Variants in CDH2 observed in about 807,000 individuals in gnomAD.
CDH2 encodes the protein cadherin 2, also known as cadherin-2.
Under a neutral mutation model 92.0 loss-of-function variants are expected in CDH2, and 17 were observed. The observed-to-expected ratio is 0.18, with a 90% CI of 0.13 to 0.28. CDH2 has a LOEUF of 0.28. CDH2 is among the 10% of genes least tolerant of loss of function. The pLI is 1.00. For missense variants in CDH2, 862 were observed against 1,133.1 expected (o/e 0.76, Z 3.44); for synonymous variants, 419 against 415.9 (o/e 1.01, Z -0.09).
At chr18:28,158,756 G>A (rs945322522) in intron 1 of CDH2, among the ~76,000 whole-genome samples, 1 of 152,150 alleles carries the variant, frequency 6.6e-6, no homozygotes, top group African/African-American at 2.4e-5. Flanking sequence ...GTTTTCCAGA[G>A]GCTATGTTAT....
At chr18:28,164,931 C>G (rs1430797096) in intron 1 of CDH2, among the ~76,000 whole-genome samples, 3 of 152,264 alleles carry the variant, frequency 2.0e-5, no homozygotes, top group East Asian at 3.9e-4. Context: ...AAAATATTTG[C>G]CCTTCAATTG....
intron 2 of CDH2, among the ~76,000 whole-genome samples, chr18:28,073,984 G>A (rs904518101): frequency 6.6e-6 from 1 of 152,140 alleles, no homozygotes; most frequent in African/African-American, 2.4e-5. Context: ...TCATTAGCAC[G>A]TCAGAGGTGG....
chr18:28,032,432 A>G (rs2144086933), intron 2 of CDH2, among the ~76,000 whole-genome samples: 1 of 152,244 alleles, frequency 6.6e-6, no homozygotes, highest in South Asian at 2.1e-4. Flanking sequence ...CCACTTCCTC[A>G]TATCCAACAG....
intron 2 of CDH2, among the ~76,000 whole-genome samples, chr18:28,144,099 G>C (rs896965418): frequency 1.3e-5 from 2 of 151,546 alleles, no homozygotes; most frequent in African/African-American, 2.4e-5. Context: ...AACCACCATG[G>C]CACATGTATA....
chr18:28,173,131 T>A (rs2016489020), intron 1 of CDH2, among the ~76,000 whole-genome samples: 2 of 152,144 alleles, frequency 1.3e-5, no homozygotes, highest in Admixed American at 1.3e-4. Flanking sequence ...AAAAAGTATT[T>A]CCTTGTAAAA....
At chr18:28,046,381 GAA>G (rs1380206188) in intron 2 of CDH2, among the ~76,000 whole-genome samples, 1 of 151,882 alleles carries the variant, frequency 6.6e-6, no homozygotes, top group Non-Finnish European at 1.5e-5. Context: ...TTAAAACAGA[GAA>G]TTATTTCTTT....
intron 1 of CDH2, among the ~76,000 whole-genome samples, chr18:28,176,067 G>C (rs1420740161): frequency 6.6e-6 from 1 of 152,340 alleles, no homozygotes; most frequent in Non-Finnish European, 1.5e-5. Context: ...AGTGGCGAGG[G>C]AACCTGCGCC....
chr18:28,032,984 T>A (rs907417777), intron 2 of CDH2, among the ~76,000 whole-genome samples: 2 of 151,962 alleles, frequency 1.3e-5, no homozygotes, highest in Non-Finnish European at 2.9e-5. Context: ...ATAAGTAACA[T>A]AATGGGCAAA....
In CDH2 at chr18:28,134,566, T is replaced by G. The variant is rs553929832; in HGVS notation, c.172+13107A>C. Among the ~76,000 whole-genome samples the G allele has an allele frequency of 1.5e-4, 23 of 152,060 alleles. No individual in the cohort carries two copies. The South Asian group carries it at 2.1e-3, about 14-fold the overall frequency. ...CTCTACAAAAAATTAAAAAATTAGC[T>G]GGGCATGGTGGTGCATGCCTGTAGT... On this transcript the variant is annotated intron_variant, in intron 2 of 15. Transcript: ENST00000269141.
intron 14 of CDH2, among the ~76,000 whole-genome samples, chr18:27,981,211 T>C (rs1163670036): frequency 1.3e-5 from 2 of 152,178 alleles, no homozygotes; most frequent in Non-Finnish European, 2.9e-5. Flanking sequence ...TTTATGCCTT[T>C]GTAAAGTATG....
At chr18:28,046,234 T>C (rs1465871697) in intron 2 of CDH2, among the ~76,000 whole-genome samples, 1 of 152,184 alleles carries the variant, frequency 6.6e-6, no homozygotes, top group Admixed American at 6.5e-5. Context: ...TATCTAGTAC[T>C]TTGTGATCTT....
At chr18:28,165,311 T>C (rs1294070294) in intron 1 of CDH2, among the ~76,000 whole-genome samples, 3 of 152,136 alleles carry the variant, frequency 2.0e-5, no homozygotes, top group East Asian at 1.9e-4. Flanking sequence ...GCCTCTGGAA[T>C]AGCTGGGACT....
At chr18:27,993,351 C>T in intron 8 of CDH2, 149 bp downstream of exon 8, 1 of 724,266 alleles carries the variant, frequency 1.4e-6, no homozygotes, top group Non-Finnish European at 2.3e-6. Flanking sequence ...TCACGTAAGG[C>T]CCTGATGACA....
intron 2 of CDH2, among the ~76,000 whole-genome samples, chr18:28,086,457 G>C (rs774358108): frequency 6.6e-6 from 1 of 150,628 alleles, no homozygotes; most frequent in Non-Finnish European, 1.5e-5. Context: ...ATCACACTAC[G>C]GTCTCCCACT....
intron 2 of CDH2, among the ~76,000 whole-genome samples, chr18:28,116,097 T>C (rs1437463011): frequency 6.6e-6 from 1 of 152,174 alleles, no homozygotes; most frequent in Non-Finnish European, 1.5e-5. Context: ...AGGTCAGGAA[T>C]GCTGCTAAAC....
intron 2 of CDH2, among the ~76,000 whole-genome samples, chr18:28,068,355 A>G (rs2014550131): frequency 6.6e-6 from 1 of 152,184 alleles, no homozygotes; most frequent in Non-Finnish European, 1.5e-5. Context: ...TATAAATACA[A>G]AGGTGCCAAA....
At chr18:28,166,165 T>TATATATATATATATATATATATATATA (rs1287861366) in intron 1 of CDH2, among the ~76,000 whole-genome samples, 2 of 138,096 alleles carry the variant, frequency 1.4e-5, no homozygotes, top group African/African-American at 5.3e-5. Flanking sequence ...TATATATATA[T>TATATATATATATATATATATATATATA]ATATATATGT....
intron 9 of CDH2, among the ~76,000 whole-genome samples, chr18:27,992,133 T>C (rs556031556): frequency 6.6e-6 from 1 of 152,334 alleles, no homozygotes; most frequent in South Asian, 2.1e-4. Flanking sequence ...GCCTACTCAT[T>C]ACATTTTTCT....
At chr18:27,945,286 A>T (rs1289877348) in intron 6 of CDH2, among the ~76,000 whole-genome samples, 1 of 143,686 alleles carries the variant, frequency 7.0e-6, no homozygotes, top group Non-Finnish European at 1.5e-5. Flanking sequence ...TCCTTTCATA[A>T]TGGGGGTCAA....
Sources: gnomAD v4.1 joint callset for allele counts (sites outside exome capture counted in the v4.1 genomes callset) on GRCh38, gnomAD v4.1.1 for gene constraint, MANE v1.5 for transcripts, NCBI Gene and HGNC (gene_info 2026-07-23, HGNC 2026-07-21) for gene names.